IGDCC3: variants seen among roughly 807,000 people sequenced by gnomAD.
The protein encoded by IGDCC3 is putative neuronal cell adhesion molecule.
IGDCC3 carries 47 observed loss-of-function variants against 72.0 expected under a neutral mutation model. That is an observed-to-expected ratio of 0.65 (90% CI 0.52 to 0.83). The LOEUF (loss-of-function observed/expected upper bound fraction) is 0.83. Among genes scored for constraint, IGDCC3 ranks in the 40% least tolerant of loss-of-function variants. IGDCC3 has a pLI of 0.00. For missense variants in IGDCC3, 1,038 were observed against 1,091.3 expected (o/e 0.95, Z 0.69); for synonymous variants, 477 against 472.8 (o/e 1.01, Z -0.11).
At chr15:65,340,756 ACT>A (rs2091073440) in intron 2 of IGDCC3, among the ~76,000 whole-genome samples, 3 of 151,708 alleles carry the variant, frequency 2.0e-5, no homozygotes, top group African/African-American at 4.8e-5. Context: ...TTTGAGAGAG[ACT>A]CACTCTATCA....
At chr15:65,363,074 G>A (rs2091271331) in intron 2 of IGDCC3, among the ~76,000 whole-genome samples, 1 of 151,916 alleles carries the variant, frequency 6.6e-6, no homozygotes, top group Middle Eastern at 3.2e-3. Context: ...TGGCTGGTCT[G>A]GTCTGGAACT....
chr15:65,374,931 C>T (rs1336538228), intron 2 of IGDCC3, among the ~76,000 whole-genome samples, 166 bp downstream of exon 2: 1 of 152,150 alleles, frequency 6.6e-6, no homozygotes, highest in African/African-American at 2.4e-5. Context: ...GATATAATTC[C>T]ACCGCCACGA....
At chr15:65,370,493 C>T (rs1346095910) in intron 2 of IGDCC3, among the ~76,000 whole-genome samples, 2 of 129,582 alleles carry the variant, frequency 1.5e-5, no homozygotes, top group African/African-American at 2.9e-5. Flanking sequence ...GGTGATAGAG[C>T]GAGACTTGGT....
At chr15:65,365,262 G>T (rs1312015568) in intron 2 of IGDCC3, among the ~76,000 whole-genome samples, 2 of 152,150 alleles carry the variant, frequency 1.3e-5, no homozygotes. Flanking sequence ...TAGAACTTGT[G>T]TCTCTCTCAC....
In IGDCC3 at chr15:65,330,568, A is replaced by C. The variant is rs374421361; in HGVS notation, c.1735T>G (p.Tyr579Asp). The change falls in exon 10 of 14, where the codon TAC (tyrosine) becomes GAC (aspartate). Residue 579 changes from tyrosine to aspartate, a missense_variant. Transcript: ENST00000327987. ...GCCTCACCGAGCTGGCTGAGGTTGT[A>C]GGAGGAGACGGTTCCAGGCAGCAGG... Reference protein sequence around the residue: ...PILLPGTVSSYNLSQLDPTAV... With the variant: ...PILLPGTVSSDNLSQLDPTAV... 3 of 1,613,240 alleles carry C rather than the reference A, an allele frequency of 1.9e-6. No homozygotes were observed. Among genetic ancestry groups the C allele is most frequent in the Non-Finnish European group, 2.5e-6 (3 of 1,179,960 alleles).
intron 2 of IGDCC3, among the ~76,000 whole-genome samples, chr15:65,368,160 T>TCACACACACACA (rs57451250): frequency 2.4e-3 from 354 of 146,308 alleles, no homozygotes; most frequent in African/African-American, 8.4e-3. Flanking sequence ...TCTCTTTCAC[T>TCACACACACACA]CACACACACA....
chr15:65,354,799 G>A (rs558490870), intron 2 of IGDCC3, among the ~76,000 whole-genome samples: 79 of 152,256 alleles, frequency 5.2e-4, no homozygotes, highest in Admixed American at 2.3e-3. Context: ...TCCTCTACTT[G>A]AGTCTCAGCT....
At chr15:65,368,227 G>C (rs891325723) in intron 2 of IGDCC3, among the ~76,000 whole-genome samples, 2 of 151,526 alleles carry the variant, frequency 1.3e-5, no homozygotes, top group African/African-American at 2.4e-5. Flanking sequence ...GGAGAGAAGA[G>C]GGGAGAGGGA....
At position 65,346,581 on chromosome 15, in the gene IGDCC3, C is replaced by T. The variant is rs148071597; in HGVS notation, c.410-10625G>A. 1.0e-2 allele frequency among the ~76,000 whole-genome samples: 1,517 copies of T among 152,204 alleles called. 26 individuals are homozygous for T. Among genetic ancestry groups the T allele is most frequent in the African/African-American group, 0.034 (1,425 of 41,528 alleles). ...AAGCGATTCTCCTACCTCAGCCTCC[C>T]GAGTAGCTGGGATTACAGGTGCCCG... On this transcript the variant is annotated intron_variant, in intron 2 of 13. Transcript: ENST00000327987.
At chr15:65,374,361 C>G (rs1463190900) in intron 2 of IGDCC3, among the ~76,000 whole-genome samples, 1 of 152,160 alleles carries the variant, frequency 6.6e-6, no homozygotes, top group Non-Finnish European at 1.5e-5. Flanking sequence ...CCAGTGTGCA[C>G]AGATTCAACA....
intron 2 of IGDCC3, among the ~76,000 whole-genome samples, chr15:65,348,962 C>G (rs1293150448): frequency 6.6e-6 from 1 of 152,212 alleles, no homozygotes; most frequent in Admixed American, 6.5e-5. Flanking sequence ...CAACTGACAG[C>G]AGCCACCTGA....
At chr15:65,367,738 A>G (rs1351084704) in intron 2 of IGDCC3, among the ~76,000 whole-genome samples, 1 of 150,884 alleles carries the variant, frequency 6.6e-6, no homozygotes, top group East Asian at 1.9e-4. Flanking sequence ...ATTATCTATC[A>G]CCTCCTCTTG....
intron 2 of IGDCC3, among the ~76,000 whole-genome samples, chr15:65,338,514 T>C (rs2091050778): frequency 6.6e-6 from 1 of 152,092 alleles, no homozygotes; most frequent in South Asian, 2.1e-4. Context: ...GGAAAGGTAA[T>C]GAGCTCTAGG....
intron 2 of IGDCC3, among the ~76,000 whole-genome samples, chr15:65,362,759 T>A (rs772603731): frequency 6.6e-6 from 1 of 151,686 alleles, no homozygotes; most frequent in Non-Finnish European, 1.5e-5. Context: ...CATCTTGCAC[T>A]GGGTCCAGCA....
In IGDCC3 at chr15:65,329,423, G is replaced by A. The variant is rs778154772; in HGVS notation, c.2172C>T (p.Ala724=). The change falls in exon 13 of 14, where the codon GCC becomes GCT. Residue 724 remains alanine, a synonymous_variant. Coordinates refer to ENST00000327987, the MANE Select transcript of IGDCC3 (RefSeq NM_004884.4). The surrounding 1 kb of genome is among the most constrained non-coding windows in gnomAD (Gnocchi z 4.1). ...TGGGGTCCGGCTGCCCTGCTGCGCT[G>A]GCCGGGGGGAACAGCTGCTCCAGCT... ...MKELEQLFPP[A]SAAGQPDPRP... The A allele has an allele frequency of 3.4e-5, 55 of 1,602,868 alleles. No individual in the cohort carries two copies. Among genetic ancestry groups the A allele is most frequent in the Non-Finnish European group, 4.4e-5 (52 of 1,176,206 alleles).
chr15:65,334,837 TG>T lies in IGDCC3; in HGVS notation c.713del (p.Pro238GlnfsTer12). 1 of 1,613,310 alleles carries T rather than the reference TG, an allele frequency of 6.2e-7. No homozygotes were observed. The highest frequency in any genetic ancestry group is 2.2e-5 in the East Asian group (1 of 44,868). On this transcript the variant is annotated frameshift_variant, in exon 5 of 14. Coordinates refer to ENST00000327987, the MANE Select transcript of IGDCC3 (RefSeq NM_004884.4). LOFTEE classifies it high-confidence loss of function. Reference sequence around the variant, plus strand: ...GGTTCTCAGGCCCCACGAGGATGGCTGGCTCCTTGTAGGCCCCAGAGCCCGA... The same window carrying T: ...GGTTCTCAGGCCCCACGAGGATGGCTGCTCCTTGTAGGCCCCAGAGCCCGA... ...SGSGSGAYKE[P>X]AILVGPENLT...
intron 6 of IGDCC3, among the ~76,000 whole-genome samples, chr15:65,332,946 G>A (rs1203742183): frequency 6.6e-6 from 1 of 152,256 alleles, no homozygotes; most frequent in Non-Finnish European, 1.5e-5. Flanking sequence ...AGACACGTGT[G>A]AGCGACACAG....
chr15:65,335,271 A>G lies in IGDCC3; in HGVS notation c.685+20T>C. ...GAGGCCAGGTGGGGAGGTTGGGGGA[A>G]AGTGCTGAAGGACCCTCACCTGACA... On this transcript the variant is annotated intron_variant, in intron 4 of 13. Transcript: ENST00000327987. The G allele has an allele frequency of 6.3e-7, 1 of 1,593,944 alleles. No individual in the cohort carries two copies. The highest frequency in any genetic ancestry group is 1.3e-5 in the African/African-American group (1 of 74,606).
At position 65,328,295 on chromosome 15, in the gene IGDCC3, C is replaced by CTTTTTTTT. The variant is rs1555429861; in HGVS notation, c.*606_*613dup. On this transcript the variant is annotated 3_prime_UTR_variant, in exon 14 of 14. Transcript: ENST00000327987. ...TTTCACACCTGGAAACGGGGAAGTG[C>CTTTTTTTT]TTTTTTTTTTTTTTTTTTTTTTACT... The CTTTTTTTT allele has an allele frequency of 5.6e-5, 4 of 71,898 alleles. 1 individual carries two copies. Among genetic ancestry groups the CTTTTTTTT allele is most frequent in the African/African-American group, 1.0e-4 (2 of 19,054 alleles). The allele number at this position is 71,898 out of a possible 1,614,324, so 4.5% of individuals were successfully genotyped here.
Sources: gnomAD v4.1 joint callset for allele counts (sites outside exome capture counted in the v4.1 genomes callset) on GRCh38, gnomAD v4.1.1 for gene constraint, Gnocchi (gnomAD v3.1) non-coding constraint, MANE v1.5 for transcripts, NCBI Gene and HGNC (gene_info 2026-07-23, HGNC 2026-07-21) for gene names.